Variants in GRIK2 observed in about 807,000 individuals in gnomAD.
GRIK2 encodes the protein glutamate ionotropic receptor kainate type subunit 2, also known as glutamate receptor ionotropic, kainate 2.
GRIK2 carries 32 observed loss-of-function variants against 100.3 expected under a neutral mutation model. The ratio of observed to expected loss-of-function variants is 0.32; its 90% CI spans 0.24 to 0.43. The LOEUF (loss-of-function observed/expected upper bound fraction) is 0.43. Among genes scored for constraint, GRIK2 ranks in the 20% least tolerant of loss-of-function variants. GRIK2 has a pLI of 1.00. For missense variants in GRIK2, 843 were observed against 1,114.9 expected, an observed-to-expected ratio of 0.76 and a Z score of 3.47; for synonymous variants, 417 against 389.4, an observed-to-expected ratio of 1.07 and a Z score of -0.83.
chr6:101,987,565 G>A (rs1338125017), intron 14 of GRIK2, among the ~76,000 whole-genome samples: 3 of 150,842 alleles, frequency 2.0e-5, no homozygotes, highest in African/African-American at 7.3e-5. Flanking sequence ...TATATACTAA[G>A]CCTATTAATG....
chr6:101,545,261 C>A (rs1398309815), intron 2 of GRIK2, among the ~76,000 whole-genome samples: 1 of 152,038 alleles, frequency 6.6e-6, no homozygotes, highest in African/African-American at 2.4e-5. Flanking sequence ...TGTTATCTAC[C>A]TCCGAGGTGT....
intron 7 of GRIK2, among the ~76,000 whole-genome samples, chr6:101,749,401 G>A (rs1378729784): frequency 6.6e-6 from 1 of 152,010 alleles, no homozygotes; most frequent in Non-Finnish European, 1.5e-5. Context: ...GAACCACCAC[G>A]CCTGGCCAGA....
At chr6:102,051,251 CCCTTCCTTCCTTCCTT>C (rs369459574) in intron 15 of GRIK2, among the ~76,000 whole-genome samples, 2,704 of 122,076 alleles carry the variant, frequency 0.022, 88 homozygotes, top group East Asian at 0.084. Flanking sequence ...TTCCCTCCCT[CCCTTCCTTCCTTCCTT>C]CCTTCCTTCC....
intron 9 of GRIK2, among the ~76,000 whole-genome samples, chr6:101,811,079 A>G (rs1781299326): frequency 6.6e-6 from 1 of 152,076 alleles, no homozygotes; most frequent in East Asian, 1.9e-4. Flanking sequence ...CTTTTTTCCA[A>G]GGGAAGTAGT....
chr6:101,479,849 T>C (rs1426907993), intron 2 of GRIK2, among the ~76,000 whole-genome samples: 1 of 152,178 alleles, frequency 6.6e-6, no homozygotes, highest in Non-Finnish European at 1.5e-5. Flanking sequence ...TTGAATTATT[T>C]TATTAAGACA....
chr6:101,445,392 AC>A (rs35181055), intron 2 of GRIK2, among the ~76,000 whole-genome samples: 145,378 of 152,130 alleles, frequency 0.96, 69,478 homozygotes, highest in East Asian at 0.99. Flanking sequence ...CTTTCTGTGA[AC>A]CACAACATCT....
intron 15 of GRIK2, among the ~76,000 whole-genome samples, chr6:102,051,019 T>A (rs1771151415): frequency 2.0e-5 from 3 of 152,162 alleles, no homozygotes; most frequent in African/African-American, 7.2e-5. Context: ...TGATTAAAGT[T>A]TAACATAAAA....
At chr6:101,756,204 G>A (rs189699729) in intron 7 of GRIK2, among the ~76,000 whole-genome samples, 21 of 152,260 alleles carry the variant, frequency 1.4e-4, no homozygotes, top group Non-Finnish European at 2.8e-4. Context: ...ATTAAACTGA[G>A]GGAGGCACTG....
intron 7 of GRIK2, among the ~76,000 whole-genome samples, chr6:101,698,975 T>C (rs1772689277): frequency 6.6e-6 from 1 of 152,140 alleles, no homozygotes; most frequent in African/African-American, 2.4e-5. Flanking sequence ...TGGACTTGGA[T>C]AAAATTCTAC....
intron 7 of GRIK2, among the ~76,000 whole-genome samples, chr6:101,792,565 G>T (rs566827739): frequency 6.6e-6 from 1 of 152,144 alleles, no homozygotes; most frequent in Non-Finnish European, 1.5e-5. Context: ...TAGAGTTTCT[G>T]CCGAGAGATC....
At chr6:101,986,701 G>A (rs553761469) in intron 14 of GRIK2, among the ~76,000 whole-genome samples, 88 of 151,850 alleles carry the variant, frequency 5.8e-4, no homozygotes, top group Non-Finnish European at 1.2e-3. Flanking sequence ...ACCTGATTAT[G>A]AGTATCGGCA....
chr6:102,017,692 TTCTTAGATA>T, intron 14 of GRIK2, among the ~76,000 whole-genome samples: 1 of 152,268 alleles, frequency 6.6e-6, no homozygotes, highest in South Asian at 2.1e-4. Context: ...TTTCCCACAG[TTCTTAGATA>T]TTTTGTTCTG....
chr6:101,996,902 T>C (rs780722246), intron 14 of GRIK2, among the ~76,000 whole-genome samples: 1 of 152,166 alleles, frequency 6.6e-6, no homozygotes, highest in African/African-American at 2.4e-5. Context: ...ATATCTCAAA[T>C]GGCTTTAAGC....
In GRIK2 at chr6:101,964,153, A is replaced by T. The variant is rs970050372; in HGVS notation, c.2085+35521A>T. 2.0e-5 allele frequency among the ~76,000 whole-genome samples: 3 copies of T among 150,832 alleles called. No individual in the cohort carries two copies. In the East Asian group the frequency reaches 5.8e-4, roughly 29 times the overall value. On this transcript the variant is annotated intron_variant, in intron 14 of 16. Transcript: ENST00000369134. ...TATAATATATACATAATTATATTTC[A>T]TTAATGTATAATATATACATACTAT...
At chr6:101,493,015 A>G (rs1415328114) in intron 2 of GRIK2, among the ~76,000 whole-genome samples, 2 of 151,992 alleles carry the variant, frequency 1.3e-5, no homozygotes, top group Non-Finnish European at 2.9e-5. Context: ...TTTGAGGTTA[A>G]GAGCACAATA....
chr6:101,612,865 A>T (rs1038187293), intron 2 of GRIK2, among the ~76,000 whole-genome samples: 16 of 151,542 alleles, frequency 1.1e-4, no homozygotes, highest in African/African-American at 3.9e-4. Context: ...GTGGTTTAAT[A>T]TGGCTGTATG....
At chr6:101,780,584 ATTG>A (rs756559101) in intron 7 of GRIK2, among the ~76,000 whole-genome samples, 159 of 152,256 alleles carry the variant, frequency 1.0e-3, no homozygotes, top group Non-Finnish European at 2.0e-3. Context: ...TAAAATAATT[ATTG>A]TTTTGTAATA....
At chr6:101,416,594 A>C (rs1296592951) in intron 2 of GRIK2, among the ~76,000 whole-genome samples, 1 of 152,206 alleles carries the variant, frequency 6.6e-6, no homozygotes, top group East Asian at 1.9e-4. Flanking sequence ...AACTTCAAAA[A>C]CCACTTCCAC....
chr6:101,474,602 C>T (rs527343517), intron 2 of GRIK2, among the ~76,000 whole-genome samples: 3 of 151,712 alleles, frequency 2.0e-5, no homozygotes, highest in Non-Finnish European at 4.4e-5. Flanking sequence ...CCTGTAAAAT[C>T]TTATTTCTAT....
Sources: allele counts gnomAD v4.1 joint callset (sites outside exome capture counted in the v4.1 genomes callset), GRCh38; gene constraint gnomAD v4.1.1; transcripts MANE v1.5; gene names NCBI Gene and HGNC (gene_info 2026-07-23, HGNC 2026-07-21).